ANO4: variants seen among roughly 807,000 people sequenced by gnomAD.
The protein encoded by ANO4 is anoctamin-4.
Under a neutral mutation model 141.9 loss-of-function variants are expected in ANO4, and 69 were observed. The ratio of observed to expected loss-of-function variants is 0.49; its 90% CI spans 0.40 to 0.59. The LOEUF is 0.59. Ranked by LOEUF, ANO4 falls within the 20% of genes least tolerant of loss-of-function variation. The pLI is 0.00. For synonymous variants in ANO4, 350 were observed against 394.3 expected (o/e 0.89, Z 1.33); for missense variants, 894 against 1,162.2 (o/e 0.77, Z 3.36).
Position 100,976,248 on chromosome 12 carries a change from C to A in ANO4, c.602+1359C>A, listed in dbSNP as rs536920137. ...AATTCAGGTTCCCTCTGTTTATATGCTATGTTGAGTGATAAATAAAAGAGT... is the reference window on the plus strand; with the variant it reads ...AATTCAGGTTCCCTCTGTTTATATGATATGTTGAGTGATAAATAAAAGAGT... On this transcript the variant is annotated intron_variant, in intron 7 of 27. Transcript: ENST00000392977. Among the ~76,000 whole-genome samples, 159 of 152,222 alleles carry A rather than the reference C, an allele frequency of 1.0e-3. 1 individual carries two copies. The highest frequency in any genetic ancestry group is 3.7e-3 in the African/African-American group (154 of 41,532).
chr12:100,994,772 G>A (rs1007708316), intron 8 of ANO4, among the ~76,000 whole-genome samples: 6 of 152,176 alleles, frequency 3.9e-5, no homozygotes, highest in African/African-American at 1.4e-4. Context: ...GGTGCTTGGA[G>A]ATCAACAGTA....
chr12:100,869,576 A>G (rs529452194), intron 1 of ANO4, among the ~76,000 whole-genome samples: 4 of 152,208 alleles, frequency 2.6e-5, no homozygotes, highest in Non-Finnish European at 4.4e-5. Context: ...TGAGCTGATC[A>G]TGTACTTGGT....
At chr12:101,038,220 T>C (rs1405084765) in intron 10 of ANO4, among the ~76,000 whole-genome samples, 1 of 152,220 alleles carries the variant, frequency 6.6e-6, no homozygotes, top group Non-Finnish European at 1.5e-5. Flanking sequence ...GCTAGAGCCA[T>C]ACGCAGGTGT....
rs1490415516 is a variant in ANO4, at chr12:100,988,893, G to GA, written c.734+1228dup. ...CTCAGAAAAAAAAAAAAAAAAGAAAGAAAAACAAAAAACGAAGGTAAGCCA... is the reference window on the plus strand; with the variant it reads ...CTCAGAAAAAAAAAAAAAAAAGAAAGAAAAAACAAAAAACGAAGGTAAGCCA... On this transcript the variant is annotated intron_variant, in intron 8 of 27. Coordinates refer to ENST00000392977, the MANE Select transcript of ANO4 (RefSeq NM_001286615.2). Among the ~76,000 whole-genome samples, 4 of 105,682 alleles carry GA rather than the reference G, an allele frequency of 3.8e-5. No individual in the cohort carries two copies. In the Admixed American group the frequency reaches 4.1e-4, roughly 11 times the overall value. 69.3% of individuals were successfully genotyped at this position (105,682 alleles called of 152,430 possible). A position where few individuals can be genotyped will look rare whatever the true frequency, so the allele number is the denominator to read the frequency against.
intron 9 of ANO4, among the ~76,000 whole-genome samples, chr12:101,032,313 C>A (rs545594862): frequency 4.6e-5 from 7 of 152,276 alleles, no homozygotes; most frequent in Admixed American, 2.6e-4. Flanking sequence ...GCAAACCTGA[C>A]AGAAACAAGC....
At chr12:100,907,950 T>TA (rs2040921390) in intron 2 of ANO4, among the ~76,000 whole-genome samples, 1 of 152,244 alleles carries the variant, frequency 6.6e-6, no homozygotes, top group Admixed American at 6.5e-5. Flanking sequence ...GTGTTGATAT[T>TA]ACTATAATAC....
intron 1 of ANO4, among the ~76,000 whole-genome samples, chr12:100,838,281 A>G (rs1460122501): frequency 6.6e-6 from 1 of 151,768 alleles, no homozygotes; most frequent in African/African-American, 2.4e-5. Context: ...CTGCTGCTAT[A>G]AGACTGTAAA....
chr12:100,744,826 A>G (rs930665178), intron 3 of ANO4, among the ~76,000 whole-genome samples: 1 of 152,152 alleles, frequency 6.6e-6, no homozygotes, highest in Non-Finnish European at 1.5e-5. Context: ...TAGTGCTGCT[A>G]GCAGTCTTGT....
chr12:100,851,465 A>G (rs1017263414), intron 1 of ANO4, among the ~76,000 whole-genome samples: 17 of 152,170 alleles, frequency 1.1e-4, no homozygotes, highest in African/African-American at 3.9e-4. Context: ...TTTCTCCAGG[A>G]AATTCCAGCT....
intron 8 of ANO4, among the ~76,000 whole-genome samples, chr12:101,018,264 C>T (rs750700774): frequency 3.9e-5 from 6 of 152,180 alleles, no homozygotes; most frequent in Non-Finnish European, 8.8e-5. Flanking sequence ...GTTTTCTCCT[C>T]TTCCTCTTTG....
At chr12:100,724,213 C>T (rs751346394) in intron 1 of ANO4, among the ~76,000 whole-genome samples, 5 of 152,148 alleles carry the variant, frequency 3.3e-5, no homozygotes, top group Non-Finnish European at 7.4e-5. Flanking sequence ...TGTCACAGTG[C>T]CTGCTGCTAG....
chr12:100,973,081 G>A (rs1265403783), intron 6 of ANO4, among the ~76,000 whole-genome samples: 1 of 152,222 alleles, frequency 6.6e-6, no homozygotes, highest in Non-Finnish European at 1.5e-5. Context: ...CTTCTTTTTA[G>A]ATATAGGAAT....
chr12:100,930,598 A>T (rs577298908), intron 3 of ANO4, among the ~76,000 whole-genome samples: 1 of 152,150 alleles, frequency 6.6e-6, no homozygotes, highest in East Asian at 1.9e-4. Flanking sequence ...TATTTTTTTT[A>T]AATCTCATGA....
At chr12:101,022,077 A>G (rs896108630) in intron 9 of ANO4, among the ~76,000 whole-genome samples, 1 of 128,310 alleles carries the variant, frequency 7.8e-6, no homozygotes, top group Non-Finnish European at 1.7e-5. Flanking sequence ...CTTTGATCCC[A>G]AGCTGCATAA....
At chr12:100,827,939 A>G (rs1044817557) in intron 1 of ANO4, among the ~76,000 whole-genome samples, 8 of 152,104 alleles carry the variant, frequency 5.3e-5, no homozygotes, top group African/African-American at 1.7e-4. Flanking sequence ...TAAGGTTTTC[A>G]GTGGTGTGGG....
At chr12:100,937,135 G>C (rs532152444) in intron 3 of ANO4, among the ~76,000 whole-genome samples, 1 of 152,276 alleles carries the variant, frequency 6.6e-6, no homozygotes, top group East Asian at 1.9e-4. Context: ...TAGAATGTTA[G>C]AGGAAAAGGG....
chr12:101,066,997 CAAAAA>C (rs34416390), intron 14 of ANO4: 180 of 181,322 alleles, frequency 9.9e-4, no homozygotes, highest in Middle Eastern at 5.5e-3. Flanking sequence ...TAAAGTATAA[CAAAAA>C]AAAAAAAAAA....
At chr12:100,864,750 T>C (rs1593559320) in intron 1 of ANO4, among the ~76,000 whole-genome samples, 1 of 152,176 alleles carries the variant, frequency 6.6e-6, no homozygotes, top group Non-Finnish European at 1.5e-5. Context: ...GTTTGTTACA[T>C]AGATATACAT....
intron 7 of ANO4, among the ~76,000 whole-genome samples, chr12:100,980,732 T>C (rs1455560020): frequency 6.6e-6 from 1 of 152,238 alleles, no homozygotes; most frequent in Non-Finnish European, 1.5e-5. Flanking sequence ...TCATAAAGCA[T>C]ACTCATGTAG....
Sources: allele counts gnomAD v4.1 joint callset (sites outside exome capture counted in the v4.1 genomes callset), GRCh38; gene constraint gnomAD v4.1.1; transcripts MANE v1.5; gene names NCBI Gene and HGNC (gene_info 2026-07-23, HGNC 2026-07-21).